The following CHLSN variants were observed in gnomAD, a reference collection of about 807,000 sequenced individuals.
The protein encoded by CHLSN is protein cholesin.
the CHLSN span, chr7:1,058,440 C>G: frequency 2.6e-6 from 2 of 780,722 alleles, no homozygotes; most frequent in Non-Finnish European, 4.8e-6. Flanking sequence ...CAAGCTCCAA[C>G]GGCTGATGAA....
At chr7:1,044,313 C>T in the CHLSN span, among the ~76,000 whole-genome samples, 1 of 152,256 alleles carries the variant, frequency 6.6e-6, no homozygotes, top group Non-Finnish European at 1.5e-5. Flanking sequence ...ACTCCCAGAG[C>T]CCTGGGTGTG....
chr7:1,110,098 C>T, the CHLSN span, among the ~76,000 whole-genome samples: 1 of 152,082 alleles, frequency 6.6e-6, no homozygotes, highest in Non-Finnish European at 1.5e-5. Context: ...CAGAGGCGAG[C>T]GGGTGCCCAC....
chr7:1,059,772 G>A, the CHLSN span, among the ~76,000 whole-genome samples: 4 of 135,078 alleles, frequency 3.0e-5, no homozygotes, highest in African/African-American at 5.7e-5. Context: ...AGTGGGGCGG[G>A]TCCGTAATGA....
the CHLSN span, among the ~76,000 whole-genome samples, chr7:1,013,170 C>T: frequency 2.6e-5 from 4 of 152,338 alleles, no homozygotes; most frequent in Admixed American, 6.5e-5. Context: ...CAAGGTAGGA[C>T]GGCTGTCACC....
At chr7:980,616 C>T in the CHLSN span, among the ~76,000 whole-genome samples, 4 of 151,992 alleles carry the variant, frequency 2.6e-5, no homozygotes, top group African/African-American at 9.7e-5. Context: ...CCCGGCCATG[C>T]CCCCCAGAGC....
chr7:1,021,051 C>T, the CHLSN span, among the ~76,000 whole-genome samples: 1 of 149,894 alleles, frequency 6.7e-6, no homozygotes, highest in Non-Finnish European at 1.5e-5. Context: ...CCCAGCAGGG[C>T]CTCCAGGCTG....
chr7:1,116,005 C>T, the CHLSN span, among the ~76,000 whole-genome samples: 2,749 of 124,458 alleles, frequency 0.022, 8 homozygotes, highest in African/African-American at 0.084. Flanking sequence ...CTTCCAGCAC[C>T]GACGCCCACG....
At chr7:1,004,120 G>GCCT in the CHLSN span, among the ~76,000 whole-genome samples, 1 of 152,150 alleles carries the variant, frequency 6.6e-6, no homozygotes, top group African/African-American at 2.4e-5. Context: ...GATGAGAGGG[G>GCCT]CCTCCAGGGA....
chr7:1,100,313 C>T, the CHLSN span, among the ~76,000 whole-genome samples: 1 of 152,148 alleles, frequency 6.6e-6, no homozygotes, highest in South Asian at 2.1e-4. Context: ...GGCTGGGTGC[C>T]GTGTTCAGGC....
chr7:1,113,268 A>C, the CHLSN span, among the ~76,000 whole-genome samples: 1 of 152,094 alleles, frequency 6.6e-6, no homozygotes, highest in Non-Finnish European at 1.5e-5. Flanking sequence ...ACTTGCTTTA[A>C]GAGAAAGTGC....
the CHLSN span, among the ~76,000 whole-genome samples, chr7:1,062,350 G>A: frequency 2.0e-5 from 3 of 152,198 alleles, no homozygotes; most frequent in Non-Finnish European, 4.4e-5. Flanking sequence ...GTAACAGAAA[G>A]TATCATAAAA....
At chr7:977,979 C>T in the CHLSN span, among the ~76,000 whole-genome samples, 2 of 152,184 alleles carry the variant, frequency 1.3e-5, no homozygotes, top group Non-Finnish European at 2.9e-5. Flanking sequence ...ACAATGGGAG[C>T]TTTTATTACC....
chr7:1,008,945 ACC>A, the CHLSN span, among the ~76,000 whole-genome samples: 7 of 150,984 alleles, frequency 4.6e-5, no homozygotes, highest in African/African-American at 1.5e-4. Flanking sequence ...GCACACGCAC[ACC>A]CCCTCATGCG....
chr7:1,094,129 C>T, the CHLSN span, among the ~76,000 whole-genome samples: 3 of 152,362 alleles, frequency 2.0e-5, no homozygotes, highest in South Asian at 2.1e-4. Flanking sequence ...CTCTCGGCCG[C>T]GTGCGAGGCC....
the CHLSN span, among the ~76,000 whole-genome samples, chr7:1,014,436 A>G: frequency 6.6e-6 from 1 of 151,776 alleles, no homozygotes; most frequent in South Asian, 2.1e-4. Flanking sequence ...CGCCCACCCC[A>G]CCCGTCCATC....
the CHLSN span, among the ~76,000 whole-genome samples, chr7:1,123,551 C>G: frequency 2.6e-5 from 4 of 152,154 alleles, no homozygotes; most frequent in Admixed American, 6.5e-5. The surrounding 1 kb of genome is among the most constrained non-coding windows in gnomAD (Gnocchi z 4.4). Context: ...GGCCCAGCCG[C>G]CCACCCTCCT....
chr7:1,069,497 T>C, the CHLSN span, among the ~76,000 whole-genome samples: 1 of 143,772 alleles, frequency 7.0e-6, no homozygotes, highest in Admixed American at 6.9e-5. Flanking sequence ...GTGCCTGCGA[T>C]TGCAGGCACG....
the CHLSN span, chr7:1,058,478 C>T: frequency 2.6e-6 from 2 of 780,272 alleles, no homozygotes; most frequent in Admixed American, 1.7e-5. Context: ...ACCGGCACTG[C>T]TCCCCGGACC....
the CHLSN span, among the ~76,000 whole-genome samples, chr7:1,016,727 A>T: frequency 8.5e-6 from 1 of 118,314 alleles, no homozygotes; most frequent in African/African-American, 4.3e-5. Context: ...AGCAGCACAC[A>T]GCAGCACACG....
Sources: gnomAD v4.1 joint callset for allele counts (sites outside exome capture counted in the v4.1 genomes callset) on GRCh38, gnomAD v4.1.1 for gene constraint, Gnocchi (gnomAD v3.1) non-coding constraint, MANE v1.5 for transcripts, NCBI Gene and HGNC (gene_info 2026-07-23, HGNC 2026-07-21) for gene names.